UBA5: variants seen among roughly 807,000 people sequenced by gnomAD.
UBA5 encodes ubiquitin like modifier activating enzyme 5, also known as ubiquitin-like modifier-activating enzyme 5.
A neutral mutation model predicts 52.9 loss-of-function variants in UBA5; 28 were observed. That is an observed-to-expected ratio of 0.53 (90% CI 0.39 to 0.73). The LOEUF is 0.73. Ranked by LOEUF, UBA5 falls within the 30% of genes least tolerant of loss-of-function variation. The pLI is 0.00. For missense variants in UBA5, 388 were observed against 492.7 expected (o/e 0.79, Z 2.01); for synonymous variants, 135 against 162.1 (o/e 0.83, Z 1.27).
chr3:132,670,164 A>T, intron 4 of UBA5, 34 bp from the exon 5 acceptor site: 1 of 1,050,932 alleles, frequency 9.5e-7, no homozygotes, highest in South Asian at 1.4e-5. Flanking sequence ...TGCTAGGATT[A>T]CAGGCTTATA....
intron 1 of UBA5, among the ~76,000 whole-genome samples, chr3:132,664,442 C>T (rs1467484900): frequency 6.6e-6 from 1 of 151,940 alleles, no homozygotes; most frequent in African/African-American, 2.4e-5. Flanking sequence ...TTTGCCGTAC[C>T]CTTTGCAAAA....
At chr3:132,658,298 A>G (rs1937926289), upstream of UBA5, among the ~76,000 whole-genome samples, 1 of 152,160 alleles carries the variant, frequency 6.6e-6, no homozygotes, top group South Asian at 2.1e-4. Flanking sequence ...TGGGATCCAG[A>G]GTTCCATATA....
chr3:132,668,002 GT>G (rs1043006665), intron 3 of UBA5: 1 of 151,978 alleles, frequency 6.6e-6, no homozygotes, highest in African/African-American at 2.4e-5. Flanking sequence ...TTTCTTTTTA[GT>G]TTTTTATTGA....
rs143327446 is a variant in UBA5, at chr3:132,677,876, G to C, written c.*1350G>C. 4.0e-4 allele frequency: 61 copies of C among 152,272 alleles called. 1 individual carries two copies. The highest frequency in any genetic ancestry group is 1.4e-3 in the African/African-American group (59 of 41,558). 9.4% of individuals were successfully genotyped at this position (152,272 alleles called of 1,614,324 possible). A position where few individuals can be genotyped will look rare whatever the true frequency, so the allele number is the denominator to read the frequency against. ...TTATAGTAAAGTCTGGAAAGCAGAA[G>C]GATAGTTTTTTTAGCCTGGAAACTT... On this transcript the variant is annotated 3_prime_UTR_variant, in exon 12 of 12. Coordinates refer to ENST00000356232, the MANE Select transcript of UBA5 (RefSeq NM_024818.6).
Position 132,678,687 on chromosome 3 carries a change from T to C in UBA5, c.*2161T>C, listed in dbSNP as rs1473352528. On this transcript the variant is annotated 3_prime_UTR_variant, in exon 12 of 12. Coordinates refer to ENST00000356232, the MANE Select transcript of UBA5 (RefSeq NM_024818.6). ...TTTTTTGAGACAGAGTCTCACTCTG[T>C]TGCCCAGGCTGGAGTGCAGTGGCAC... Among the ~76,000 whole-genome samples the C allele has an allele frequency of 6.6e-6, 1 of 152,126 alleles. No homozygotes were observed. The highest frequency in any genetic ancestry group is 1.5e-5 in the Non-Finnish European group (1 of 68,024).
chr3:132,665,449 A>C (rs541132151), intron 1 of UBA5, among the ~76,000 whole-genome samples: 3 of 152,124 alleles, frequency 2.0e-5, no homozygotes, highest in Non-Finnish European at 4.4e-5. Context: ...CCAGCCATGA[A>C]TTTACTCTGA....
At chr3:132,673,423 C>T (rs1938691120) in intron 8 of UBA5, among the ~76,000 whole-genome samples, 1 of 152,142 alleles carries the variant, frequency 6.6e-6, no homozygotes, top group South Asian at 2.1e-4. Flanking sequence ...TCATGGCTCA[C>T]TGCAGCCTCA....
In UBA5 at chr3:132,676,344, C is replaced by T; in HGVS notation, c.1132-99C>T. 1 of 909,108 alleles carries T rather than the reference C, an allele frequency of 1.1e-6. No homozygotes were observed. Among genetic ancestry groups the T allele is most frequent in the South Asian group, 1.6e-5 (1 of 64,148 alleles). The allele number at this position is 909,108 out of a possible 1,614,324, so 56.3% of individuals were successfully genotyped here. Reference sequence around the variant, plus strand: ...TTGTTAAAGAAAATTTACTTTATAACCTTGTTGAGCATGGTCAAAACTTGC... The same window carrying T: ...TTGTTAAAGAAAATTTACTTTATAATCTTGTTGAGCATGGTCAAAACTTGC... On this transcript the variant is annotated intron_variant, in intron 11 of 11. Transcript: ENST00000356232. This position sits in a 1 kb window ranked among gnomAD's most constrained non-coding sequence, Gnocchi z 4.1.
rs1313071575 is a variant in UBA5, at chr3:132,671,881, G to A, written c.684G>A (p.Ala228=). The A allele has an allele frequency of 2.5e-6, 4 of 1,611,508 alleles. No homozygotes were observed. The highest frequency in any genetic ancestry group is 3.4e-6 in the Non-Finnish European group (4 of 1,179,068). The part of the protein sequence containing the change: ...LIIPGESACF[A]CAPPLVVAAN... ...TTCCTGGAGAATCTGCTTGTTTTGC[G>A]GTATGCATTATTCTTTTTGGAATAT... Residue 228 remains alanine, a splice_region_variant and synonymous_variant, in exon 7 of 12, where the codon GCG becomes GCA. Transcript: ENST00000356232.
At chr3:132,676,000 C>A in intron 11 of UBA5, 77 bp downstream of exon 11, 1 of 972,070 alleles carries the variant, frequency 1.0e-6, no homozygotes, top group Non-Finnish European at 1.5e-6. Context: ...TTTGTAATGC[C>A]AATGAAGTAT....
At chr3:132,671,417 CAA>C (rs199763601) in intron 6 of UBA5, among the ~76,000 whole-genome samples, 1 of 150,660 alleles carries the variant, frequency 6.6e-6, no homozygotes, top group African/African-American at 2.4e-5. Context: ...CCTGGTTTCT[CAA>C]AAAAAAATTA....
intron 8 of UBA5, among the ~76,000 whole-genome samples, chr3:132,674,885 A>G (rs1441273820): frequency 6.6e-6 from 1 of 152,236 alleles, no homozygotes; most frequent in Admixed American, 6.5e-5. Flanking sequence ...TCAGGGATTT[A>G]AAAAATACAC....
chr3:132,660,480 G>A lies in UBA5; in HGVS notation c.-58G>A, dbSNP rs1403547222. Reference sequence around the variant, plus strand: ...CCTCGCGGGCCCAGCCGAGCAACGTGGGGCGAAGGCGGCGGCGAAGGCCCG... The same window carrying A: ...CCTCGCGGGCCCAGCCGAGCAACGTAGGGCGAAGGCGGCGGCGAAGGCCCG... On this transcript the variant is annotated 5_prime_UTR_variant, in exon 1 of 12. Coordinates refer to ENST00000356232, the MANE Select transcript of UBA5 (RefSeq NM_024818.6). This position sits in a 1 kb window ranked among gnomAD's most constrained non-coding sequence, Gnocchi z 4.1. 21 of 1,539,116 alleles carry A rather than the reference G, an allele frequency of 1.4e-5. No homozygotes were observed. The highest frequency in any genetic ancestry group is 1.7e-5 in the Non-Finnish European group (20 of 1,144,688).
At chr3:132,671,653 C>T (rs924549580) in intron 6 of UBA5, 124 bp from the exon 7 acceptor site, 1 of 691,562 alleles carries the variant, frequency 1.4e-6, no homozygotes, top group Non-Finnish European at 2.4e-6. Flanking sequence ...TTACAACTTG[C>T]CTCATTTGTT....
chr3:132,655,326 T>C (rs1937729141), intron 1 of UBA5, among the ~76,000 whole-genome samples: 1 of 152,158 alleles, frequency 6.6e-6, no homozygotes, highest in Admixed American at 6.5e-5. Flanking sequence ...TTGTTGTTTG[T>C]TTGTTTGTTT....
chr3:132,670,836 A>G (rs2107940887), intron 5 of UBA5, 129 bp from the exon 6 acceptor site: 2 of 540,476 alleles, frequency 3.7e-6, no homozygotes, highest in East Asian at 6.5e-5. Flanking sequence ...TTAATATTAC[A>G]TATTTATTAT....
At chr3:132,663,198 TA>T (rs1474587278) in intron 1 of UBA5, among the ~76,000 whole-genome samples, 3 of 152,052 alleles carry the variant, frequency 2.0e-5, no homozygotes, top group Non-Finnish European at 4.4e-5. Context: ...GGCTCAGGAA[TA>T]GGCACAGGTA....
rs1576656106 is a variant in UBA5, at chr3:132,678,490, C to T, written c.*1964C>T. 6.6e-6 allele frequency among the ~76,000 whole-genome samples: 1 copy of T among 152,228 alleles called. No homozygotes were observed. The highest frequency in any genetic ancestry group is 1.9e-4 in the East Asian group (1 of 5,184). ...CTAAATGATAGTAAAACAACATATTCAACTTTAATTCCTGTCTTATTGTTA... is the reference window on the plus strand; with the variant it reads ...CTAAATGATAGTAAAACAACATATTTAACTTTAATTCCTGTCTTATTGTTA... On this transcript the variant is annotated 3_prime_UTR_variant, in exon 12 of 12. Transcript: ENST00000356232.
At chr3:132,659,811 C>A, upstream of UBA5, 1 of 1,526,168 alleles carries the variant, frequency 6.6e-7, no homozygotes, top group Non-Finnish European at 8.8e-7. Flanking sequence ...CGAAGTCCTT[C>A]AGGATTGGGG....
Sources: allele counts gnomAD v4.1 joint callset (sites outside exome capture counted in the v4.1 genomes callset), GRCh38; gene constraint gnomAD v4.1.1; non-coding constraint Gnocchi (gnomAD v3.1); transcripts MANE v1.5; gene names NCBI Gene and HGNC (gene_info 2026-07-23, HGNC 2026-07-21).